CEP112: variants seen among roughly 807,000 people sequenced by gnomAD.
The protein encoded by CEP112 is centrosomal protein of 112 kDa.
Under a neutral mutation model 153.0 loss-of-function variants are expected in CEP112, and 127 were observed. The observed-to-expected ratio is 0.83, with a 90% CI of 0.72 to 0.96. The LOEUF (loss-of-function observed/expected upper bound fraction) is 0.96, where lower values mean the gene tolerates loss of function less well. Among genes scored for constraint, CEP112 ranks in the 40% least tolerant of loss-of-function variants. The pLI is 0.00. For missense variants in CEP112, 1,089 were observed against 1,101.2 expected, an observed-to-expected ratio of 0.99 and a Z score of 0.16; for synonymous variants, 358 against 374.4, an observed-to-expected ratio of 0.96 and a Z score of 0.51.
At chr17:65,876,465 C>T (rs2058829762) in intron 20 of CEP112, among the ~76,000 whole-genome samples, 1 of 152,102 alleles carries the variant, frequency 6.6e-6, no homozygotes, top group African/African-American at 2.4e-5. Context: ...ACATAGAGGA[C>T]CTGATTTTCC....
At chr17:66,186,964 T>C (rs1366547888) in intron 1 of CEP112, among the ~76,000 whole-genome samples, 1 of 152,216 alleles carries the variant, frequency 6.6e-6, no homozygotes, top group Non-Finnish European at 1.5e-5. Context: ...CTTCCACCTC[T>C]GCTCCTGTAT....
At chr17:66,167,155 C>A (rs977080019) in intron 4 of CEP112, among the ~76,000 whole-genome samples, 1 of 152,040 alleles carries the variant, frequency 6.6e-6, no homozygotes. Flanking sequence ...TCAGGGAATA[C>A]AAAATGACTT....
chr17:65,729,019 T>A (rs947250872), intron 23 of CEP112, among the ~76,000 whole-genome samples: 14 of 152,232 alleles, frequency 9.2e-5, no homozygotes, highest in African/African-American at 3.1e-4. Context: ...GGTAATAACA[T>A]AGCTTAAAAC....
chr17:66,054,006 A>G (rs545636316), intron 11 of CEP112, 127 bp from the exon 12 acceptor site: 1 of 531,348 alleles, frequency 1.9e-6, no homozygotes, highest in African/African-American at 1.9e-5. Context: ...CAAAAGATAC[A>G]AAAAACCACC....
At chr17:66,014,036 G>A (rs189173883) in intron 16 of CEP112, among the ~76,000 whole-genome samples, 119 of 152,338 alleles carry the variant, frequency 7.8e-4, no homozygotes, top group Middle Eastern at 3.4e-3. Flanking sequence ...AGTGGGGGAC[G>A]GGTACACTCA....
At chr17:65,647,393 G>A (rs768380823) in intron 24 of CEP112, among the ~76,000 whole-genome samples, 2 of 150,848 alleles carry the variant, frequency 1.3e-5, no homozygotes, top group African/African-American at 2.4e-5. Context: ...GTCTGGTCTC[G>A]AACTCTCGAT....
intron 21 of CEP112, among the ~76,000 whole-genome samples, chr17:65,800,747 T>C (rs2055219822): frequency 6.6e-6 from 1 of 152,210 alleles, no homozygotes; most frequent in South Asian, 2.1e-4. Context: ...GATTCCAATG[T>C]GTATTCATGT....
intron 23 of CEP112, among the ~76,000 whole-genome samples, chr17:65,742,115 G>C (rs1005547488): frequency 6.6e-6 from 1 of 151,760 alleles, no homozygotes; most frequent in African/African-American, 2.4e-5. Context: ...CAGCTTAAAG[G>C]GAATATATAA....
chr17:65,935,409 T>C (rs938008443), intron 18 of CEP112, among the ~76,000 whole-genome samples: 1 of 152,172 alleles, frequency 6.6e-6, no homozygotes, highest in South Asian at 2.1e-4. Context: ...AACTACACTT[T>C]AGAGCAAATG....
At chr17:65,692,224 ATTTTTTTT>A (rs35586515) in intron 23 of CEP112, among the ~76,000 whole-genome samples, 3 of 126,862 alleles carry the variant, frequency 2.4e-5, no homozygotes, top group Non-Finnish European at 3.3e-5. Context: ...CTGCACTGGA[ATTTTTTTT>A]TTTTTTTTTT....
At chr17:65,680,667 G>A (rs952413772) in intron 24 of CEP112, among the ~76,000 whole-genome samples, 2 of 152,148 alleles carry the variant, frequency 1.3e-5, no homozygotes, top group African/African-American at 2.4e-5. Flanking sequence ...TGCGGAGGGC[G>A]GGGAGGTGCA....
chr17:66,034,217 G>A (rs2065613258), intron 12 of CEP112, among the ~76,000 whole-genome samples: 1 of 152,020 alleles, frequency 6.6e-6, no homozygotes, highest in Admixed American at 6.6e-5. Flanking sequence ...CCATATTATA[G>A]AAAATATTAG....
At chr17:65,862,037 A>G (rs1247734596) in intron 20 of CEP112, among the ~76,000 whole-genome samples, 1 of 152,244 alleles carries the variant, frequency 6.6e-6, no homozygotes, top group Non-Finnish European at 1.5e-5. Flanking sequence ...GCACAACACA[A>G]TGGGTGAATC....
At chr17:65,729,763 G>T (rs2050391257) in intron 23 of CEP112, among the ~76,000 whole-genome samples, 1 of 152,024 alleles carries the variant, frequency 6.6e-6, no homozygotes, top group African/African-American at 2.4e-5. Flanking sequence ...ACAAAAACTA[G>T]CTGGGTGTGG....
chr17:66,013,591 G>GA (rs34957680), intron 16 of CEP112, among the ~76,000 whole-genome samples: 62,424 of 151,936 alleles, frequency 0.41, 14,291 homozygotes, highest in East Asian at 0.87. Flanking sequence ...TCAAAGTTGG[G>GA]ACCTGCTGTG....
Position 65,935,546 on chromosome 17 carries a change from G to A in CEP112, c.1873-7857C>T, listed in dbSNP as rs190810524. ...AAAACAAGTCTTAACAAATTTAAGAGGATTTAAATAATATAAAGTGTCTTT... is the reference window on the plus strand; with the variant it reads ...AAAACAAGTCTTAACAAATTTAAGAAGATTTAAATAATATAAAGTGTCTTT... On this transcript the variant is annotated intron_variant, in intron 18 of 26. Coordinates refer to ENST00000535342, the MANE Select transcript of CEP112 (RefSeq NM_001199165.4). Among the ~76,000 whole-genome samples the A allele has an allele frequency of 6.1e-3, 928 of 152,108 alleles. 8 individuals are homozygous for A. Among genetic ancestry groups the A allele is most frequent in the African/African-American group, 0.021 (892 of 41,512 alleles).
At chr17:65,925,145 G>A (rs573163791) in intron 19 of CEP112, among the ~76,000 whole-genome samples, 10 of 152,266 alleles carry the variant, frequency 6.6e-5, no homozygotes, top group East Asian at 1.9e-4. Flanking sequence ...GCTTCCCCCC[G>A]TACTATACTC....
chr17:65,913,426 A>C (rs912536001), intron 19 of CEP112: 2 of 865,026 alleles, frequency 2.3e-6, no homozygotes, highest in Admixed American at 6.2e-5. Context: ...ATTTTAGCAC[A>C]GAAAATACTA....
chr17:65,712,990 A>G (rs562926131), intron 23 of CEP112, among the ~76,000 whole-genome samples: 2 of 152,366 alleles, frequency 1.3e-5, no homozygotes, highest in South Asian at 4.1e-4. Context: ...AATGGCAGAC[A>G]TAAGGCACAA....
Sources: gnomAD v4.1 joint callset for allele counts (sites outside exome capture counted in the v4.1 genomes callset) on GRCh38, gnomAD v4.1.1 for gene constraint, MANE v1.5 for transcripts, NCBI Gene and HGNC (gene_info 2026-07-23, HGNC 2026-07-21) for gene names.